Variants in ACVR2B observed in about 807,000 individuals in gnomAD.
ACVR2B encodes activin A receptor type 2B.
Under a neutral mutation model 65.1 loss-of-function variants are expected in ACVR2B, and 18 were observed. That is an observed-to-expected ratio of 0.28 (90% confidence interval 0.19 to 0.41). ACVR2B has a LOEUF of 0.41. ACVR2B is among the 10% of genes least tolerant of loss of function. The pLI is 1.00. For missense variants in ACVR2B, 482 were observed against 682.7 expected, an observed-to-expected ratio of 0.71 and a Z score of 3.28; for synonymous variants, 298 against 277.7, an observed-to-expected ratio of 1.07 and a Z score of -0.73.
chr3:38,480,952 T>C (rs1710007323), intron 7 of ACVR2B, among the ~76,000 whole-genome samples: 1 of 152,222 alleles, frequency 6.6e-6, no homozygotes, highest in South Asian at 2.1e-4. Flanking sequence ...CTAGGAAAGC[T>C]AATATTAAAT....
chr3:38,459,515 A>G (rs116356062), intron 1 of ACVR2B: 1 of 905,992 alleles, frequency 1.1e-6, no homozygotes, highest in Non-Finnish European at 1.3e-6. Flanking sequence ...TGGGGGCCTC[A>G]GGAGCTAAGG....
chr3:38,477,629 C>T lies in ACVR2B; in HGVS notation c.260+135C>T, dbSNP rs1709935223. 7 of 1,125,268 alleles carry T rather than the reference C, an allele frequency of 6.2e-6. No individual in the cohort carries two copies. Among genetic ancestry groups the T allele is most frequent in the Non-Finnish European group, 9.2e-6 (7 of 759,110 alleles). The allele number at this position is 1,125,268 out of a possible 1,614,324, so 69.7% of individuals were successfully genotyped here. ...GGCTCTTGAGATGGTAGCCATGGCC[C>T]CACGCCCTTCCACACCCTATTTGTC... On this transcript the variant is annotated intron_variant, in intron 2 of 10. Coordinates refer to ENST00000352511, the MANE Select transcript of ACVR2B (RefSeq NM_001106.4). The surrounding 1 kb of genome is among the most constrained non-coding windows in gnomAD (Gnocchi z 6.7).
chr3:38,482,333 G>C lies in ACVR2B; in HGVS notation c.1210G>C (p.Asp404His), dbSNP rs773445192. ...WELVSRCKAADGPVDEYMLPF... is the reference protein window; with the variant it reads ...WELVSRCKAAHGPVDEYMLPF... ...GCTTGTGTCTCGCTGCAAGGCTGCA[G>C]ACGGTAAGTAGGATGGCAGCCCTGG... The change falls in exon 9 of 11, where the codon GAC (aspartate) becomes CAC (histidine). Residue 404 changes from aspartate (D) to histidine (H), a missense_variant. Asp to His is a moderately conservative substitution (Grantham distance 81). Transcript: ENST00000352511. 1.2e-6 allele frequency: 2 copies of C among 1,611,480 alleles called. No individual in the cohort carries two copies.
chr3:38,470,500 G>T (rs1000550863), intron 1 of ACVR2B, among the ~76,000 whole-genome samples: 3 of 152,134 alleles, frequency 2.0e-5, no homozygotes, highest in African/African-American at 7.2e-5. Flanking sequence ...TTTGAGAAAA[G>T]CAACAAAGGC....
At position 38,478,393 on chromosome 3, in the gene ACVR2B, C is replaced by T. The variant is rs1235135249; in HGVS notation, c.541C>T (p.Pro181Ser). Residue 181 changes from proline (P) to serine (S), a missense_variant, in exon 5 of 11, where the codon CCA becomes TCA. Around this residue, in one of 5 missense-constraint regions of ACVR2B, gnomAD observed 95 missense variants for 91.6 expected, o/e 1.04. Transcript: ENST00000352511. The stretch of plus-strand genomic sequence containing the variant: ...CCCCCAGGACCCTGGGCCTCCACCA[C>T]CATCCCCTCTGGTGGGCCTGAAGCC... ...DIHEDPGPPP[P>S]SPLVGLKPLQ... The T allele has an allele frequency of 1.2e-6, 2 of 1,614,020 alleles. No individual in the cohort carries two copies. Among genetic ancestry groups the T allele is most frequent in the Non-Finnish European group, 1.7e-6 (2 of 1,180,020 alleles).
chr3:38,464,923 T>C (rs771305400), intron 1 of ACVR2B, among the ~76,000 whole-genome samples: 3 of 152,114 alleles, frequency 2.0e-5, no homozygotes, highest in Non-Finnish European at 2.9e-5. Context: ...GGATTAATGG[T>C]ACCTTTAGAC....
At position 38,492,659 on chromosome 3, in the gene ACVR2B, T is replaced by A; in HGVS notation, c.*9327T>A. The stretch of plus-strand genomic sequence containing the variant: ...ATCATGTTTAAAAAAAATATATATA[T>A]ATATACAGAGTTAAGCTTGTTGCTG... On this transcript the variant is annotated 3_prime_UTR_variant, in exon 11 of 11. Coordinates refer to ENST00000352511, the MANE Select transcript of ACVR2B (RefSeq NM_001106.4). 6.6e-6 allele frequency: 1 copy of A among 150,654 alleles called. No individual in the cohort carries two copies. Among genetic ancestry groups the A allele is most frequent in the East Asian group, 1.9e-4 (1 of 5,168 alleles). The allele number at this position is 150,654 out of a possible 1,614,324, so 9.3% of individuals were successfully genotyped here.
At position 38,477,778 on chromosome 3, in the gene ACVR2B, T is replaced by C; in HGVS notation, c.261-83T>C. On this transcript the variant is annotated intron_variant, in intron 2 of 10. Transcript: ENST00000352511. The surrounding 1 kb of genome is among the most constrained non-coding windows in gnomAD (Gnocchi z 6.7). The stretch of plus-strand genomic sequence containing the variant: ...GGTGTTGCCCATGAGGTGCTCTGTC[T>C]GTGAGGAGGGGTTGGCAGGGCAGGC... The C allele has an allele frequency of 7.2e-7, 1 of 1,384,922 alleles. No homozygotes were observed. Among genetic ancestry groups the C allele is most frequent in the Non-Finnish European group, 1.0e-6 (1 of 970,952 alleles). The allele number at this position is 1,384,922 out of a possible 1,614,324, so 85.8% of individuals were successfully genotyped here.
chr3:38,459,395 C>A (rs765724403), intron 1 of ACVR2B, among the ~76,000 whole-genome samples: 6 of 152,192 alleles, frequency 3.9e-5, no homozygotes, highest in African/African-American at 1.4e-4. Context: ...CGCCTCTGAC[C>A]GTTGCCTTAA....
Position 38,477,622 on chromosome 3 carries a change from C to A in ACVR2B, c.260+128C>A. The A allele has an allele frequency of 8.3e-7, 1 of 1,198,298 alleles. No individual in the cohort carries two copies. Among genetic ancestry groups the A allele is most frequent in the Non-Finnish European group, 1.2e-6 (1 of 825,718 alleles). 74.2% of individuals were successfully genotyped at this position (1,198,298 alleles called of 1,614,324 possible). On this transcript the variant is annotated intron_variant, in intron 2 of 10. Coordinates refer to ENST00000352511, the MANE Select transcript of ACVR2B (RefSeq NM_001106.4). The surrounding 1 kb of genome is among the most constrained non-coding windows in gnomAD (Gnocchi z 6.7). ...AAGAAGGGGCTCTTGAGATGGTAGC[C>A]ATGGCCCCACGCCCTTCCACACCCT... is the stretch of plus-strand genomic sequence containing the variant.
chr3:38,459,568 C>T (rs933007550), intron 1 of ACVR2B: 51 of 985,020 alleles, frequency 5.2e-5, no homozygotes, highest in African/African-American at 5.2e-5. Flanking sequence ...TGTAGCAGGC[C>T]GTGGGCATGC....
chr3:38,479,345 A>G, intron 6 of ACVR2B, 74 bp downstream of exon 6: 1 of 1,605,942 alleles, frequency 6.2e-7, no homozygotes, highest in East Asian at 2.2e-5. Context: ...TAATATGATG[A>G]CCCCTTCCCT....
Position 38,477,336 on chromosome 3 carries a change from C to T in ACVR2B, c.102C>T (p.Ala34=). The T allele has an allele frequency of 5.6e-6, 9 of 1,614,160 alleles. No homozygotes were observed. Among genetic ancestry groups the T allele is most frequent in the Non-Finnish European group, 5.9e-6 (7 of 1,180,002 alleles). The change falls in exon 2 of 11, where the codon GCC becomes GCT. Residue 34 remains alanine, a synonymous_variant. Coordinates refer to ENST00000352511, the MANE Select transcript of ACVR2B (RefSeq NM_001106.4). This position sits in a 1 kb window ranked among gnomAD's most constrained non-coding sequence, Gnocchi z 6.7. The part of the protein sequence containing the change: ...AETRECIYYN[A]NWELERTNQS... ...CACGGGAGTGCATCTACTACAACGC[C>T]AACTGGGAGCTGGAGCGCACCAACC...
In ACVR2B at chr3:38,463,011, A is replaced by G. The variant is rs571152477; in HGVS notation, c.52+8637A>G. Among the ~76,000 whole-genome samples the G allele has an allele frequency of 9.3e-4, 142 of 152,266 alleles. 1 individual carries two copies. Among genetic ancestry groups the G allele is most frequent in the African/African-American group, 3.4e-3 (140 of 41,552 alleles). Reference sequence around the variant, plus strand: ...AAATGCTAGGTTACAGAGTTTAGAAATAGCCTGGTTTCATGAAGGGTGCGC... The same window carrying G: ...AAATGCTAGGTTACAGAGTTTAGAAGTAGCCTGGTTTCATGAAGGGTGCGC... On this transcript the variant is annotated intron_variant, in intron 1 of 10. Coordinates refer to ENST00000352511, the MANE Select transcript of ACVR2B (RefSeq NM_001106.4).
In ACVR2B at chr3:38,477,747, C is replaced by T. The variant is rs1709937387; in HGVS notation, c.261-114C>T. ...TGTAGGGGAGGTGAGTTCACACCGT[C>T]CCCCTGGTGTTGCCCATGAGGTGCT... On this transcript the variant is annotated intron_variant, in intron 2 of 10. Coordinates refer to ENST00000352511, the MANE Select transcript of ACVR2B (RefSeq NM_001106.4). The surrounding 1 kb of genome is among the most constrained non-coding windows in gnomAD (Gnocchi z 6.7). 6 of 1,181,252 alleles carry T rather than the reference C, an allele frequency of 5.1e-6. No individual in the cohort carries two copies. Among genetic ancestry groups the T allele is most frequent in the Non-Finnish European group, 7.6e-6 (6 of 785,686 alleles). 73.2% of individuals were successfully genotyped at this position (1,181,252 alleles called of 1,614,324 possible). A position where few individuals can be genotyped will look rare whatever the true frequency, so the allele number is the denominator to read the frequency against.
chr3:38,454,373 C>T lies in ACVR2B; in HGVS notation c.51C>T (p.Ala17=). The change falls in exon 1 of 11, where the codon GCC becomes GCT. Residue 17 remains alanine (A), a splice_region_variant and synonymous_variant. Transcript: ENST00000352511. ...CCCTCCTCTGGGGATCGCTGTGCGC[C>T]GGTAAGAACTGGGCGCGGCGCGGGG... The part of the protein sequence containing the change: ...ALALLWGSLC[A]GSGRGEAETR... The T allele has an allele frequency of 3.2e-6, 4 of 1,266,480 alleles. No individual in the cohort carries two copies. Among genetic ancestry groups the T allele is most frequent in the Non-Finnish European group, 4.0e-6 (4 of 1,007,756 alleles). 78.5% of individuals were successfully genotyped at this position (1,266,480 alleles called of 1,614,324 possible). A position where few individuals can be genotyped will look rare whatever the true frequency, so the allele number is the denominator to read the frequency against.
At chr3:38,466,507 C>CTT (rs71085326) in intron 1 of ACVR2B, among the ~76,000 whole-genome samples, 59,885 of 143,714 alleles carry the variant, frequency 0.42, 14,610 homozygotes, top group Non-Finnish European at 0.56. Flanking sequence ...ACCAAAACTT[C>CTT]TTTTTTTTTT....
chr3:38,471,139 C>T (rs576785819), intron 1 of ACVR2B, among the ~76,000 whole-genome samples: 2 of 151,986 alleles, frequency 1.3e-5, no homozygotes, highest in African/African-American at 2.4e-5. Flanking sequence ...TGGCAAAGAG[C>T]ATTCATTACA....
At position 38,481,264 on chromosome 3, in the gene ACVR2B, C is replaced by G. The variant is rs1234330492; in HGVS notation, c.960-87C>G. ...GGATGGCCTGGTCTGGGGCCTGACT[C>G]TAGGGCACAGACTCTAGTATCTTGG... On this transcript the variant is annotated intron_variant, in intron 7 of 10. Transcript: ENST00000352511. This position sits in a 1 kb window ranked among gnomAD's most constrained non-coding sequence, Gnocchi z 4.7. 3 of 1,176,770 alleles carry G rather than the reference C, an allele frequency of 2.5e-6. No individual in the cohort carries two copies. The highest frequency in any genetic ancestry group is 1.5e-5 in the African/African-American group (1 of 66,424). 72.9% of individuals were successfully genotyped at this position (1,176,770 alleles called of 1,614,324 possible).
Sources: gnomAD v4.1 joint callset for allele counts (sites outside exome capture counted in the v4.1 genomes callset) on GRCh38, gnomAD v4.1.1 for gene constraint, gnomAD v4.1.1 regional missense constraint, Gnocchi (gnomAD v3.1) non-coding constraint, MANE v1.5 for transcripts, NCBI Gene and HGNC (gene_info 2026-07-23, HGNC 2026-07-21) for gene names.